WASHC2A: variants seen among roughly 807,000 people sequenced by gnomAD.
The protein encoded by WASHC2A is WASH complex subunit FAM21A.
WASHC2A carries 82 observed loss-of-function variants against 140.3 expected under a neutral mutation model. That is an observed-to-expected ratio of 0.58 (90% CI 0.49 to 0.70). The LOEUF (loss-of-function observed/expected upper bound fraction) is 0.70. Among genes scored for constraint, WASHC2A ranks in the 30% least tolerant of loss-of-function variants. The pLI is 0.00. For missense variants in WASHC2A, 985 were observed against 1,521.8 expected (o/e 0.65, Z 5.87); for synonymous variants, 340 against 560.8 (o/e 0.61, Z 5.56).
rs1402378420 is a variant in WASHC2A, at chr10:50,088,606, C to T, written c.732+1284C>T. ...CCTTTGCTTCGGTGAACTGTTTCTTCAGAATGAGGTGGTATAGAGTTATGT... is the reference window on the plus strand; with the variant it reads ...CCTTTGCTTCGGTGAACTGTTTCTTTAGAATGAGGTGGTATAGAGTTATGT... On this transcript the variant is annotated intron_variant, in intron 8 of 30. Coordinates refer to ENST00000282633, the MANE Select transcript of WASHC2A (RefSeq NM_001005751.3). Among the ~76,000 whole-genome samples, 79 of 140,800 alleles carry T rather than the reference C, an allele frequency of 5.6e-4. 1 individual carries two copies. Among genetic ancestry groups the T allele is most frequent in the Non-Finnish European group, 1.0e-3 (65 of 64,622 alleles). 92.4% of individuals were successfully genotyped at this position (140,800 alleles called of 152,430 possible).
chr10:50,118,143 C>G, intron 22 of WASHC2A, 85 bp downstream of exon 22: 1 of 1,364,642 alleles, frequency 7.3e-7, no homozygotes, highest in South Asian at 1.2e-5. Flanking sequence ...GTTTTTTGAC[C>G]ACAGAAAATA....
chr10:50,095,568 A>C (rs1253344980), intron 14 of WASHC2A, 31 bp from the exon 15 acceptor site: 4 of 1,611,682 alleles, frequency 2.5e-6, no homozygotes, highest in Non-Finnish European at 3.4e-6. Flanking sequence ...ACTGGCTCAC[A>C]GCTGTGGCTG....
intron 20 of WASHC2A, chr10:50,112,439 A>G (rs1457253109): frequency 6.9e-6 from 1 of 145,846 alleles, no homozygotes; most frequent in Admixed American, 8.7e-5. Flanking sequence ...GAACCCTCAT[A>G]CACTGCTGGT....
chr10:50,083,983 A>G, intron 5 of WASHC2A, 89 bp from the exon 6 acceptor site: 2 of 1,205,052 alleles, frequency 1.7e-6, no homozygotes, highest in Non-Finnish European at 2.4e-6. Flanking sequence ...CTTGTTTGGG[A>G]TAGTCAGATG....
chr10:50,104,451 G>A (rs1260467373), intron 18 of WASHC2A, among the ~76,000 whole-genome samples: 15 of 151,656 alleles, frequency 9.9e-5, no homozygotes, highest in African/African-American at 3.4e-4. Context: ...ACTGCAACCG[G>A]GTTCAGGTGA....
intron 23 of WASHC2A, among the ~76,000 whole-genome samples, chr10:50,124,845 G>T (rs1433115636): frequency 8.7e-5 from 13 of 148,988 alleles, no homozygotes; most frequent in African/African-American, 2.5e-5. Flanking sequence ...ATATAACCTG[G>T]AAAGATTATC....
intron 23 of WASHC2A, among the ~76,000 whole-genome samples, chr10:50,121,453 G>A (rs2669778): frequency 0.29 from 42,432 of 147,636 alleles, 7,277 homozygotes; most frequent in Middle Eastern, 0.42. Context: ...GATTGAAATG[G>A]CACAATCTTG....
At chr10:50,117,032 G>GT (rs1369833600) in intron 21 of WASHC2A, among the ~76,000 whole-genome samples, 1 of 85,856 alleles carries the variant, frequency 1.2e-5, no homozygotes, top group Non-Finnish European at 2.4e-5. Context: ...ACAAACCTCA[G>GT]TTTCCTAGTC....
chr10:50,088,449 G>C (rs1839586051), intron 8 of WASHC2A, among the ~76,000 whole-genome samples: 1 of 151,298 alleles, frequency 6.6e-6, no homozygotes, highest in African/African-American at 2.4e-5. Flanking sequence ...TGTATTTTTA[G>C]TGGAGTCAGG....
At position 50,069,554 on chromosome 10, in the gene WASHC2A, A is replaced by T; in HGVS notation, c.134A>T (p.Gln45Leu). 6.2e-7 allele frequency: 1 copy of T among 1,613,076 alleles called. No individual in the cohort carries two copies. The highest frequency in any genetic ancestry group is 1.1e-5 in the South Asian group (1 of 90,858). Residue 45 changes from glutamine to leucine, a missense_variant, in exon 3 of 31, where the codon CAG becomes CTG. By Grantham distance (113) the Gln-to-Leu change is moderately radical (BLOSUM62 -2). Coordinates refer to ENST00000282633, the MANE Select transcript of WASHC2A (RefSeq NM_001005751.3). ...WSLAADAGLL[Q>L]FLQEFSQQTI... ...GTTTATTTTTTAAAATAGCTACTACAGTTTCTACAGGAATTCTCACAGCAA... is the reference window on the plus strand; with the variant it reads ...GTTTATTTTTTAAAATAGCTACTACTGTTTCTACAGGAATTCTCACAGCAA...
rs1421397649 is a variant in WASHC2A at position 50,095,915 on chromosome 10, T to C, written c.1420+137T>C. 120 of 1,042,622 alleles carry C rather than the reference T, an allele frequency of 1.2e-4. 1 individual carries two copies. The highest frequency in any genetic ancestry group is 1.6e-4 in the Non-Finnish European group (115 of 727,054). 64.6% of individuals were successfully genotyped at this position (1,042,622 alleles called of 1,614,324 possible). ...CAGCATTCCTGTCATTGAGTTGTTG[T>C]GTCTGTACTTACATAGGTGTGGTGC... On this transcript the variant is annotated intron_variant, in intron 15 of 30. Coordinates refer to ENST00000282633, the MANE Select transcript of WASHC2A (RefSeq NM_001005751.3).
rs1357193806 is a variant in WASHC2A, at chr10:50,110,191, C to A, written c.1960C>A (p.Gln654Lys). 12 of 1,611,540 alleles carry A rather than the reference C, an allele frequency of 7.4e-6. No homozygotes were observed. Among genetic ancestry groups the A allele is most frequent in the African/African-American group, 1.3e-5 (1 of 74,710 alleles). The change falls in exon 20 of 31, where the codon CAG (glutamine) becomes AAG (lysine). Residue 654 changes from glutamine (Q) to lysine (K), a missense_variant. By Grantham distance (53) the Gln-to-Lys change is moderately conservative (BLOSUM62 1). Coordinates refer to ENST00000282633, the MANE Select transcript of WASHC2A (RefSeq NM_001005751.3). ...CAGGGATTCTGGGACCCTCCAGAGC[C>A]AGGAGGCCAAGGCTGTGAAAAAGAC... ...EPRDSGTLQS[Q>K]EAKAVKKTSL...
rs1308872873 is a variant in WASHC2A, at chr10:50,123,331, A to G, written c.2479-1782A>G. Among the ~76,000 whole-genome samples, 5 of 131,030 alleles carry G rather than the reference A, an allele frequency of 3.8e-5. 2 individuals are homozygous for G. The highest frequency in any genetic ancestry group is 8.5e-5 in the Non-Finnish European group (5 of 58,766). 86.0% of individuals were successfully genotyped at this position (131,030 alleles called of 152,430 possible). On this transcript the variant is annotated intron_variant, in intron 23 of 30. Coordinates refer to ENST00000282633, the MANE Select transcript of WASHC2A (RefSeq NM_001005751.3). ...AGCAGCATTATTCGTAATAGCCAAA[A>G]GATGGAAACAATGGCTAAACATAAT...
chr10:50,101,824 T>C (rs1841215723), intron 17 of WASHC2A, among the ~76,000 whole-genome samples: 1 of 145,286 alleles, frequency 6.9e-6, no homozygotes, highest in African/African-American at 2.5e-5. Flanking sequence ...GAGGATCACC[T>C]TATTCATATG....
intron 5 of WASHC2A, among the ~76,000 whole-genome samples, chr10:50,082,159 C>T (rs1188176545): frequency 1.3e-5 from 2 of 150,540 alleles, no homozygotes; most frequent in Non-Finnish European, 3.0e-5. Context: ...TTTTTTTCCC[C>T]TTGCAGAGAA....
intron 19 of WASHC2A, among the ~76,000 whole-genome samples, chr10:50,109,581 G>A (rs1252562952): frequency 3.3e-5 from 5 of 152,176 alleles, no homozygotes; most frequent in East Asian, 1.9e-4. Context: ...TGTTGGAGGA[G>A]GAAATCATGA....
intron 8 of WASHC2A, among the ~76,000 whole-genome samples, chr10:50,090,240 G>A (rs1323385819): frequency 6.7e-6 from 1 of 150,212 alleles, no homozygotes; most frequent in Non-Finnish European, 1.5e-5. Flanking sequence ...GGTGGCTCAC[G>A]CCTGTAATCC....
At position 50,116,788 on chromosome 10, in the gene WASHC2A, C is replaced by G. The variant is rs1244470902; in HGVS notation, c.2143-1118C>G. On this transcript the variant is annotated intron_variant, in intron 21 of 30. Transcript: ENST00000282633. ...TTATCTCTTCCTAACTAAAAATCCCCTTGCTCTCTTCTTTCTTCATTCATC... is the reference window on the plus strand; with the variant it reads ...TTATCTCTTCCTAACTAAAAATCCCGTTGCTCTCTTCTTTCTTCATTCATC... Among the ~76,000 whole-genome samples the G allele has an allele frequency of 7.3e-4, 109 of 149,774 alleles. 2 individuals are homozygous for G. Among genetic ancestry groups the G allele is most frequent in the African/African-American group, 2.5e-3 (101 of 40,168 alleles).
chr10:50,099,732 A>C lies in WASHC2A; in HGVS notation c.1549-246A>C, dbSNP rs1236106632. Reference sequence around the variant, plus strand: ...GTCTTTCCATGCTGTCTCTCATTGCATATGTCCCATCTGTGCACCCATTGA... The same window carrying C: ...GTCTTTCCATGCTGTCTCTCATTGCCTATGTCCCATCTGTGCACCCATTGA... On this transcript the variant is annotated intron_variant, in intron 16 of 30. Coordinates refer to ENST00000282633, the MANE Select transcript of WASHC2A (RefSeq NM_001005751.3). Among the ~76,000 whole-genome samples the C allele has an allele frequency of 2.9e-5, 4 of 137,262 alleles. No individual in the cohort carries two copies. The East Asian group carries it at 1.1e-3, about 36-fold the overall frequency. 90.0% of individuals were successfully genotyped at this position (137,262 alleles called of 152,430 possible).
Sources: gnomAD v4.1 joint callset for allele counts (sites outside exome capture counted in the v4.1 genomes callset) on GRCh38, gnomAD v4.1.1 for gene constraint, MANE v1.5 for transcripts, NCBI Gene and HGNC (gene_info 2026-07-23, HGNC 2026-07-21) for gene names.